Variants in AKAP9 observed in about 807,000 individuals in gnomAD.
AKAP9 encodes the protein A-kinase anchoring protein 9.
AKAP9 carries 311 observed loss-of-function variants against 488.5 expected under a neutral mutation model. That is an observed-to-expected ratio of 0.64 (90% confidence interval 0.58 to 0.70). AKAP9 has a LOEUF of 0.70. AKAP9 is among the 30% of genes least tolerant of loss of function. AKAP9 has a pLI of 0.00. For missense variants in AKAP9, 4,215 were observed against 4,374.5 expected, an observed-to-expected ratio of 0.96 and a Z score of 1.03; for synonymous variants, 1,462 against 1,483.5, an observed-to-expected ratio of 0.99 and a Z score of 0.33.
chr7:92,005,127 T>A (rs1799659177), intron 8 of AKAP9, among the ~76,000 whole-genome samples: 1 of 152,220 alleles, frequency 6.6e-6, no homozygotes. Context: ...CACTTACTGA[T>A]TTGCGTATGT....
intron 26 of AKAP9, among the ~76,000 whole-genome samples, chr7:92,069,468 C>CT (rs1811327841): frequency 6.6e-6 from 1 of 152,038 alleles, no homozygotes; most frequent in African/African-American, 2.4e-5. Context: ...TTGTTGGAGA[C>CT]AACAGTTGCT....
At chr7:91,978,997 C>G (rs1011935526) in intron 2 of AKAP9, among the ~76,000 whole-genome samples, 3 of 142,978 alleles carry the variant, frequency 2.1e-5, no homozygotes, top group Non-Finnish European at 4.5e-5. Flanking sequence ...AGGCAGGTCT[C>G]GAACTCCTGA....
At position 92,102,725 on chromosome 7, in the gene AKAP9, G is replaced by A. The variant is rs143306820; in HGVS notation, c.11229G>A (p.Met3743Ile). Residue 3743 changes from methionine to isoleucine, a missense_variant, in exon 46 of 50, where the codon ATG becomes ATA. Around this residue, in one of 5 missense-constraint regions of AKAP9, gnomAD observed 253 missense variants for 266.8 expected, o/e 0.95. Coordinates refer to ENST00000356239, the MANE Select transcript of AKAP9 (RefSeq NM_005751.5). ...CCACCTTGGCCCTGCTTGCCCGGATGGGGGGGCAGCCAGCTTTCACGGATC... is the reference window on the plus strand; with the variant it reads ...CCACCTTGGCCCTGCTTGCCCGGATAGGGGGGCAGCCAGCTTTCACGGATC... Reference protein sequence around the residue: ...EDATLALLARMGGQPAFTDLE... With the variant: ...EDATLALLARIGGQPAFTDLE... The A allele has an allele frequency of 6.5e-5, 105 of 1,613,990 alleles. No individual in the cohort carries two copies. In the Middle Eastern group the frequency reaches 6.6e-4, roughly 10 times the overall value.
At chr7:92,080,861 T>G (rs1229046694) in intron 31 of AKAP9, among the ~76,000 whole-genome samples, 1 of 152,144 alleles carries the variant, frequency 6.6e-6, no homozygotes, top group Non-Finnish European at 1.5e-5. Flanking sequence ...GAGTTGGCTG[T>G]TTATTATACT....
chr7:91,957,736 T>G (rs10235941), intron 1 of AKAP9, among the ~76,000 whole-genome samples: 62,917 of 151,986 alleles, frequency 0.41, 13,478 homozygotes, highest in African/African-American at 0.51. Context: ...TCTTTGCAAA[T>G]GATGAAAGTT....
chr7:92,040,502 TAAG>T (rs1286857551), intron 17 of AKAP9, among the ~76,000 whole-genome samples, 169 bp from the exon 18 acceptor site: 4 of 152,250 alleles, frequency 2.6e-5, no homozygotes, highest in South Asian at 2.1e-4. Flanking sequence ...GAGTTGTAAT[TAAG>T]AAAAACACCA....
At chr7:92,061,564 C>T (rs1256891636) in intron 23 of AKAP9, 142 bp downstream of exon 23, 3 of 466,928 alleles carry the variant, frequency 6.4e-6, no homozygotes, top group South Asian at 2.1e-5. Flanking sequence ...CTTCAGAGTT[C>T]CTCCAAGCAA....
chr7:92,066,689 T>C (rs1463148151), intron 26 of AKAP9, 143 bp downstream of exon 26: 1 of 1,072,538 alleles, frequency 9.3e-7, no homozygotes, highest in East Asian at 2.5e-5. Flanking sequence ...TACTTAAGCA[T>C]GAGAAGGTAA....
At position 91,992,168 on chromosome 7, in the gene AKAP9, G is replaced by T; in HGVS notation, c.362G>T (p.Cys121Phe). The T allele has an allele frequency of 6.2e-7, 1 of 1,609,076 alleles. No homozygotes were observed. Among genetic ancestry groups the T allele is most frequent in the Non-Finnish European group, 8.5e-7 (1 of 1,175,628 alleles). Residue 121 changes from cysteine (C) to phenylalanine (F), a missense_variant, in exon 4 of 50, where the codon TGC (cysteine) becomes TTC (phenylalanine). By Grantham distance (205) the Cys-to-Phe change is radical (BLOSUM62 -2). Around this residue, in one of 5 missense-constraint regions of AKAP9, gnomAD observed 2,361 missense variants for 2,430.0 expected, o/e 0.97. Coordinates refer to ENST00000356239, the MANE Select transcript of AKAP9 (RefSeq NM_005751.5). The stretch of plus-strand genomic sequence containing the variant: ...ATTGTTTTTATACAGGTAAATGGTT[G>T]CAGTTTTGTGATGAGAACAGGAAAG... ...ADDCSSEVNG[C>F]SFVMRTGKPT... is the part of the protein sequence containing the mutation.
chr7:92,102,503 C>T (rs980198742), intron 45 of AKAP9, 91 bp from the exon 46 acceptor site: 34 of 947,774 alleles, frequency 3.6e-5, no homozygotes, highest in Non-Finnish European at 4.7e-5. Context: ...CCACCACCAC[C>T]ACTACTTGTT....
intron 35 of AKAP9, 92 bp from the exon 36 acceptor site, chr7:92,085,403 A>C: frequency 3.2e-6 from 4 of 1,261,500 alleles, no homozygotes; most frequent in South Asian, 2.5e-5. Flanking sequence ...TCTGCAAGCT[A>C]TCTTGCTTAA....
At chr7:92,042,212 G>A in intron 19 of AKAP9, 26 bp downstream of exon 19, 1 of 1,613,258 alleles carries the variant, frequency 6.2e-7, no homozygotes, top group East Asian at 2.2e-5. Flanking sequence ...CCCCACCTAG[G>A]AGCAATGGAT....
At chr7:91,958,979 G>A (rs928747543) in intron 1 of AKAP9, among the ~76,000 whole-genome samples, 59 of 151,802 alleles carry the variant, frequency 3.9e-4, no homozygotes, top group African/African-American at 1.4e-3. Context: ...CCACCTCTCA[G>A]GCTCAAGTGA....
chr7:92,107,982 G>A lies in AKAP9; in HGVS notation c.11547-512G>A, dbSNP rs554763042. The stretch of plus-strand genomic sequence containing the variant: ...TGCAGTGAGCCGAGGTCACGCCACT[G>A]CACTCTAGCCTGGGCAACAAAGCAA... On this transcript the variant is annotated intron_variant, in intron 48 of 49. Transcript: ENST00000356239. 371 of 176,158 alleles carry A rather than the reference G, an allele frequency of 2.1e-3. 2 individuals are homozygous for A. The highest frequency in any genetic ancestry group is 8.7e-3 in the African/African-American group (349 of 40,342). The allele number at this position is 176,158 out of a possible 1,614,324, so 10.9% of individuals were successfully genotyped here. A position where few individuals can be genotyped will look rare whatever the true frequency, so the allele number is the denominator to read the frequency against.
intron 14 of AKAP9, among the ~76,000 whole-genome samples, chr7:92,027,249 G>A (rs1239507465): frequency 3.9e-5 from 5 of 128,236 alleles, no homozygotes; most frequent in African/African-American, 1.2e-4. Flanking sequence ...GCTGCCCATC[G>A]TCTGGGAAGT....
chr7:92,074,822 T>A (rs913195852), intron 28 of AKAP9, among the ~76,000 whole-genome samples: 1 of 152,026 alleles, frequency 6.6e-6, no homozygotes, highest in Non-Finnish European at 1.5e-5. Context: ...TGAGAACACA[T>A]GGACACAGGG....
intron 12 of AKAP9, among the ~76,000 whole-genome samples, chr7:92,019,712 G>T (rs1802047444): frequency 6.6e-6 from 1 of 151,516 alleles, no homozygotes; most frequent in Non-Finnish European, 1.5e-5. Flanking sequence ...TAGGTGTTTA[G>T]AAGAGAAATG....
At chr7:92,102,052 A>C (rs1817590758) in intron 45 of AKAP9, among the ~76,000 whole-genome samples, 1 of 152,012 alleles carries the variant, frequency 6.6e-6, no homozygotes, top group Non-Finnish European at 1.5e-5. Context: ...GCCACTTGGA[A>C]GGCTGAGGCA....
intron 43 of AKAP9, 101 bp downstream of exon 43, chr7:92,098,315 A>C (rs755127821): frequency 4.0e-5 from 27 of 669,852 alleles, no homozygotes; most frequent in Non-Finnish European, 6.7e-5. Context: ...CTCTTTATAG[A>C]GTTTTATTTG....
Sources: allele counts gnomAD v4.1 joint callset (sites outside exome capture counted in the v4.1 genomes callset), GRCh38; gene constraint gnomAD v4.1.1; regional missense constraint gnomAD v4.1.1; transcripts MANE v1.5; gene names NCBI Gene and HGNC (gene_info 2026-07-23, HGNC 2026-07-21).